The following PRTFDC1 variants were observed in gnomAD, a reference collection of about 807,000 sequenced individuals.
PRTFDC1 encodes the protein phosphoribosyltransferase domain-containing protein 1.
A neutral mutation model predicts 34.6 loss-of-function variants in PRTFDC1; 38 were observed. The ratio of observed to expected loss-of-function variants is 1.10; its 90% CI spans 0.85 to 1.44. PRTFDC1 has a LOEUF of 1.44. PRTFDC1 is among the 40% of genes most tolerant of loss of function. PRTFDC1 has a pLI of 0.00. For synonymous variants in PRTFDC1, 93 were observed against 98.1 expected (o/e 0.95, Z 0.31); for missense variants, 270 against 283.0 (o/e 0.95, Z 0.33).
At chr10:24,942,991 C>T (rs111412309) in intron 1 of PRTFDC1, among the ~76,000 whole-genome samples, 119 of 151,334 alleles carry the variant, frequency 7.9e-4, no homozygotes, top group African/African-American at 2.6e-3. Flanking sequence ...ATAGCTAACC[C>T]GATAGCATTA....
At chr10:24,882,285 CT>C (rs1220078324) in intron 3 of PRTFDC1, among the ~76,000 whole-genome samples, 2 of 151,990 alleles carry the variant, frequency 1.3e-5, no homozygotes, top group East Asian at 1.9e-4. Flanking sequence ...TGGACTCCCC[CT>C]GGCTTCCTCT....
chr10:24,940,296 G>C (rs1465397346), intron 2 of PRTFDC1, among the ~76,000 whole-genome samples: 1 of 152,110 alleles, frequency 6.6e-6, no homozygotes, highest in Admixed American at 6.5e-5. Flanking sequence ...ACAAACCATA[G>C]GCTGGGAGTA....
intron 3 of PRTFDC1, among the ~76,000 whole-genome samples, chr10:24,925,601 G>C (rs560407736): frequency 6.6e-6 from 1 of 152,240 alleles, no homozygotes; most frequent in South Asian, 2.1e-4. Context: ...AGTTTCATGG[G>C]ACCAGCAAGC....
At chr10:24,880,819 CTT>C (rs1565264437) in intron 3 of PRTFDC1, among the ~76,000 whole-genome samples, 33 of 89,512 alleles carry the variant, frequency 3.7e-4, no homozygotes, top group African/African-American at 9.1e-4. Context: ...CTTTCTCTTT[CTT>C]TCTTTCTTTC....
chr10:24,868,553 C>T (rs961048495), intron 4 of PRTFDC1, among the ~76,000 whole-genome samples: 4 of 152,194 alleles, frequency 2.6e-5, no homozygotes, highest in Non-Finnish European at 4.4e-5. Context: ...CAAGTGATCA[C>T]CCACCTTAGC....
chr10:24,941,228 T>C (rs535386309), intron 2 of PRTFDC1, among the ~76,000 whole-genome samples: 5 of 148,536 alleles, frequency 3.4e-5, no homozygotes, highest in Admixed American at 1.4e-4. Flanking sequence ...TAATGTTTTT[T>C]ATTTTTTTGT....
chr10:24,850,728 C>T (rs1039804760), intron 8 of PRTFDC1, among the ~76,000 whole-genome samples: 1 of 152,144 alleles, frequency 6.6e-6, no homozygotes, highest in African/African-American at 2.4e-5. Flanking sequence ...AACTAGAAGG[C>T]AGGAACAAGG....
At chr10:24,908,688 T>A in intron 3 of PRTFDC1, 6 of 1,591,028 alleles carry the variant, frequency 3.8e-6, no homozygotes, top group Non-Finnish European at 5.1e-6. Flanking sequence ...GCACGCAGCT[T>A]TGGGAGAGAC....
intron 4 of PRTFDC1, among the ~76,000 whole-genome samples, chr10:24,866,118 T>C (rs1847770244): frequency 6.6e-6 from 1 of 152,104 alleles, no homozygotes; most frequent in Non-Finnish European, 1.5e-5. Context: ...CTCAGCACTT[T>C]GGGAGGCTGA....
At chr10:24,862,244 T>C (rs1847691378) in intron 4 of PRTFDC1, among the ~76,000 whole-genome samples, 1 of 152,214 alleles carries the variant, frequency 6.6e-6, no homozygotes. Flanking sequence ...CTACTATATA[T>C]TCAAATTTCC....
At chr10:24,951,853 C>T (rs1199533774) in intron 1 of PRTFDC1, among the ~76,000 whole-genome samples, 1 of 152,142 alleles carries the variant, frequency 6.6e-6, no homozygotes, top group Non-Finnish European at 1.5e-5. Flanking sequence ...GCACCCCACA[C>T]CCTCCCATCC....
chr10:24,903,567 G>C (rs1283794941), intron 3 of PRTFDC1, among the ~76,000 whole-genome samples: 1 of 152,170 alleles, frequency 6.6e-6, no homozygotes, highest in Admixed American at 6.5e-5. Context: ...ACTATTTATG[G>C]AAAACGAAGT....
In PRTFDC1 at chr10:24,952,437, C is replaced by T; in HGVS notation, c.48+91G>A. 7.0e-7 allele frequency: 1 copy of T among 1,430,634 alleles called. No homozygotes were observed. The highest frequency in any genetic ancestry group is 9.6e-7 in the Non-Finnish European group (1 of 1,040,886). The allele number at this position is 1,430,634 out of a possible 1,614,324, so 88.6% of individuals were successfully genotyped here. A position where few individuals can be genotyped will look rare whatever the true frequency, so the allele number is the denominator to read the frequency against. Reference sequence around the variant, plus strand: ...GAACAAAGCGGTGGCCCTCTCTCTCCCCCGACGCACGGCAAGCATTTAATC... The same window carrying T: ...GAACAAAGCGGTGGCCCTCTCTCTCTCCCGACGCACGGCAAGCATTTAATC... On this transcript the variant is annotated intron_variant, in intron 1 of 8. Transcript: ENST00000320152. The surrounding 1 kb of genome is among the most constrained non-coding windows in gnomAD (Gnocchi z 5.1).
intron 3 of PRTFDC1, 115 bp downstream of exon 3, chr10:24,937,069 C>T (rs542592990): frequency 9.2e-6 from 9 of 982,826 alleles, no homozygotes; most frequent in South Asian, 1.8e-5. Flanking sequence ...AATTACCCTT[C>T]ATTTTCATCT....
intron 3 of PRTFDC1, among the ~76,000 whole-genome samples, chr10:24,926,800 A>G (rs1218724983): frequency 1.3e-5 from 2 of 152,306 alleles, no homozygotes; most frequent in African/African-American, 4.8e-5. Flanking sequence ...GCAGTCAGCT[A>G]AGTTGAGCAC....
rs905807165 is a variant in PRTFDC1, at chr10:24,905,076, G to A, written c.339+32108C>T. ...AATCCCAGCACTTTGGAAGGCCGAG[G>A]TGGGTGGATCACTTGAGCGCAGGAG... On this transcript the variant is annotated intron_variant, in intron 3 of 8. Transcript: ENST00000320152. Among the ~76,000 whole-genome samples, 5 of 151,824 alleles carry A rather than the reference G, an allele frequency of 3.3e-5. 1 individual carries two copies. Among genetic ancestry groups the A allele is most frequent in the Admixed American group, 3.3e-4 (5 of 15,246 alleles).
intron 3 of PRTFDC1, among the ~76,000 whole-genome samples, chr10:24,922,388 C>T (rs1034903145): frequency 5.9e-5 from 9 of 152,172 alleles, no homozygotes; most frequent in East Asian, 1.9e-4. Context: ...TGGCTCTGTG[C>T]GCTTACACAA....
chr10:24,939,536 T>C (rs1044157766), intron 2 of PRTFDC1, among the ~76,000 whole-genome samples: 1 of 151,990 alleles, frequency 6.6e-6, no homozygotes, highest in Non-Finnish European at 1.5e-5. Context: ...CTTACACCTA[T>C]AATCCCAGCA....
chr10:24,916,489 C>G (rs1194802201), intron 3 of PRTFDC1, among the ~76,000 whole-genome samples: 1 of 152,144 alleles, frequency 6.6e-6, no homozygotes, highest in East Asian at 1.9e-4. Flanking sequence ...TCCAAGTCAC[C>G]TCTGACTAAT....
Sources: gnomAD v4.1 joint callset for allele counts (sites outside exome capture counted in the v4.1 genomes callset) on GRCh38, gnomAD v4.1.1 for gene constraint, Gnocchi (gnomAD v3.1) non-coding constraint, MANE v1.5 for transcripts, NCBI Gene and HGNC (gene_info 2026-07-23, HGNC 2026-07-21) for gene names.